Variants in GPALPP1 observed in about 807,000 individuals in gnomAD.
GPALPP1 encodes the protein GPALPP motifs containing 1.
Under a neutral mutation model 38.9 loss-of-function variants are expected in GPALPP1, and 30 were observed. That is an observed-to-expected ratio of 0.77 (90% CI 0.58 to 1.05). The LOEUF (loss-of-function observed/expected upper bound fraction) is 1.05. Ranked by LOEUF, GPALPP1 falls within the 50% of genes least tolerant of loss-of-function variation. The probability of loss-of-function intolerance (pLI) is 0.00; values close to 1 mark genes in which losing one functional copy is unlikely to be tolerated. For synonymous variants in GPALPP1, 120 were observed against 139.2 expected (o/e 0.86, Z 0.97); for missense variants, 384 against 408.8 (o/e 0.94, Z 0.52).
At chr13:45,035,639 A>G (rs954152645) in exon 8 of GPALPP1, 1 of 152,240 alleles carries the variant, frequency 6.6e-6, no homozygotes, top group Non-Finnish European at 1.5e-5. Flanking sequence ...AAGTCTCTAG[A>G]ATTCTGGACA....
At chr13:45,017,624 G>C (rs1874969449) in intron 6 of GPALPP1, among the ~76,000 whole-genome samples, 1 of 152,110 alleles carries the variant, frequency 6.6e-6, no homozygotes, top group South Asian at 2.1e-4. Flanking sequence ...TCTCATTGGA[G>C]ATGAATAGAT....
chr13:45,034,918 T>G (rs1233558250), downstream of GPALPP1: 1 of 149,604 alleles, frequency 6.7e-6, no homozygotes, highest in Non-Finnish European at 1.5e-5. Flanking sequence ...GTATTTTTAG[T>G]AGAGACAGGG....
intron 6 of GPALPP1, among the ~76,000 whole-genome samples, chr13:45,016,631 G>A (rs978074831): frequency 1.3e-5 from 2 of 151,638 alleles, no homozygotes; most frequent in Admixed American, 6.6e-5. Flanking sequence ...TTTTCTTTTT[G>A]GTTTTTTTGT....
At position 45,015,416 on chromosome 13, in the gene GPALPP1, T is replaced by C; in HGVS notation, c.541-16T>C. The C allele has an allele frequency of 2.0e-6, 3 of 1,519,672 alleles. No individual in the cohort carries two copies. The highest frequency in any genetic ancestry group is 2.7e-6 in the Non-Finnish European group (3 of 1,127,146). The allele number at this position is 1,519,672 out of a possible 1,614,324, so 94.1% of individuals were successfully genotyped here. A position where few individuals can be genotyped will look rare whatever the true frequency, so the allele number is the denominator to read the frequency against. Reference sequence around the variant, plus strand: ...GATATGTACTTTCTATGCTGTGTTTTTTTTTTCTCTTAAAGGATTCATCTA... The same window carrying C: ...GATATGTACTTTCTATGCTGTGTTTCTTTTTTCTCTTAAAGGATTCATCTA... On this transcript the variant is annotated splice_polypyrimidine_tract_variant and intron_variant, in intron 5 of 7. Transcript: ENST00000379151.
chr13:45,017,911 A>T (rs1489514420), intron 6 of GPALPP1, among the ~76,000 whole-genome samples: 7 of 152,250 alleles, frequency 4.6e-5, no homozygotes, highest in Non-Finnish European at 8.8e-5. Context: ...ACTATATAGT[A>T]TCACAGAGCT....
chr13:45,025,927 T>C (rs1487252459), intron 7 of GPALPP1, among the ~76,000 whole-genome samples: 2 of 152,112 alleles, frequency 1.3e-5, no homozygotes, highest in Non-Finnish European at 2.9e-5. Flanking sequence ...TTCGCCACCA[T>C]GCCTGGCTAA....
intron 4 of GPALPP1, among the ~76,000 whole-genome samples, chr13:45,012,173 T>C (rs1355316112): frequency 2.0e-5 from 3 of 151,878 alleles, no homozygotes; most frequent in Non-Finnish European, 4.4e-5. Context: ...TTGAGCACCA[T>C]GCATAAAACC....
intron 6 of GPALPP1, among the ~76,000 whole-genome samples, chr13:45,018,930 AATATATACATATAAAT>A (rs1228163521): frequency 0.027 from 2,218 of 82,894 alleles, 251 homozygotes; most frequent in African/African-American, 0.17. Flanking sequence ...TAAATGTATA[AATATATACATATAAAT>A]ATATATACAT....
intron 3 of GPALPP1, among the ~76,000 whole-genome samples, chr13:45,008,101 C>G (rs982188524): frequency 1.3e-5 from 2 of 152,128 alleles, no homozygotes; most frequent in African/African-American, 4.8e-5. Flanking sequence ...TGATTTTGCT[C>G]ATCTTAAAAG....
chr13:45,018,449 C>T (rs1218045212), intron 6 of GPALPP1, among the ~76,000 whole-genome samples: 2 of 151,410 alleles, frequency 1.3e-5, no homozygotes, highest in East Asian at 3.9e-4. Flanking sequence ...GTTTTACATA[C>T]ATTAATTGAA....
intron 1 of GPALPP1, 94 bp from the exon 2 acceptor site, chr13:45,004,211 C>A: frequency 1.1e-6 from 1 of 918,054 alleles, no homozygotes; most frequent in Non-Finnish European, 1.7e-6. Context: ...ACAGCCAGTG[C>A]TGTTTATTTC....
At chr13:45,001,259 T>C (rs1873655244) in intron 1 of GPALPP1, among the ~76,000 whole-genome samples, 1 of 152,172 alleles carries the variant, frequency 6.6e-6, no homozygotes, top group Non-Finnish European at 1.5e-5. Flanking sequence ...TTGCTTCCCC[T>C]TCCACCATAA....
intron 3 of GPALPP1, among the ~76,000 whole-genome samples, chr13:45,007,447 C>T (rs1240708215): frequency 6.6e-6 from 1 of 152,034 alleles, no homozygotes; most frequent in African/African-American, 2.4e-5. Flanking sequence ...ATTTTATCAC[C>T]ACCAATCCCC....
At chr13:45,011,325 A>G (rs532230908) in intron 4 of GPALPP1, among the ~76,000 whole-genome samples, 6 of 152,328 alleles carry the variant, frequency 3.9e-5, no homozygotes, top group Admixed American at 3.3e-4. Flanking sequence ...TAGGGTTGTT[A>G]TAAGGATTAA....
intron 7 of GPALPP1, among the ~76,000 whole-genome samples, chr13:45,021,432 A>G (rs986384269): frequency 2.0e-5 from 3 of 152,210 alleles, no homozygotes; most frequent in African/African-American, 7.2e-5. Flanking sequence ...AGGAATTACT[A>G]TCATTCAACC....
intron 6 of GPALPP1, among the ~76,000 whole-genome samples, chr13:45,018,887 A>G (rs1397314457): frequency 6.8e-6 from 1 of 146,792 alleles, no homozygotes; most frequent in African/African-American, 2.5e-5. Context: ...TTGCTGATAT[A>G]TATAAATATA....
rs1320446208 is a variant in GPALPP1 at position 44,989,753 on chromosome 13, G to T, written c.88+11G>T. On this transcript the variant is annotated intron_variant, in intron 1 of 7. Coordinates refer to ENST00000379151, the MANE Select transcript of GPALPP1 (RefSeq NM_018559.5). ...GGGACCCGAGCCCTGGTAAGCGGCG[G>T]CGTCTCCGCTGCCCACCAGGCCCAT... The T allele has an allele frequency of 6.3e-7, 1 of 1,598,256 alleles. No homozygotes were observed. The highest frequency in any genetic ancestry group is 1.1e-5 in the South Asian group (1 of 90,884).
In GPALPP1 at chr13:45,008,967, T is replaced by C. The variant is rs968313493; in HGVS notation, c.408+88T>C. 2.6e-6 allele frequency: 2 copies of C among 767,782 alleles called. 1 individual carries two copies. The highest frequency in any genetic ancestry group is 3.9e-5 in the Admixed American group (2 of 51,318). 47.6% of individuals were successfully genotyped at this position (767,782 alleles called of 1,614,324 possible). A position where few individuals can be genotyped will look rare whatever the true frequency, so the allele number is the denominator to read the frequency against. On this transcript the variant is annotated intron_variant, in intron 4 of 7. Transcript: ENST00000379151. ...TGTAACAAACTCCAAACTTTATGCATGCAGTTACTACAACCACTGGACTCA... is the reference window on the plus strand; with the variant it reads ...TGTAACAAACTCCAAACTTTATGCACGCAGTTACTACAACCACTGGACTCA...
chr13:45,023,172 A>T (rs1875546757), intron 7 of GPALPP1, among the ~76,000 whole-genome samples: 1 of 152,174 alleles, frequency 6.6e-6, no homozygotes, highest in African/African-American at 2.4e-5. Context: ...TTAATCTCTT[A>T]CATCAGCTGG....
Sources: gnomAD v4.1 joint callset for allele counts (sites outside exome capture counted in the v4.1 genomes callset) on GRCh38, gnomAD v4.1.1 for gene constraint, MANE v1.5 for transcripts, NCBI Gene and HGNC (gene_info 2026-07-23, HGNC 2026-07-21) for gene names.